Variants in FRZB observed in about 807,000 individuals in gnomAD.
FRZB encodes the protein frizzled related protein.
Under a neutral mutation model 32.5 loss-of-function variants are expected in FRZB, and 34 were observed. That is an observed-to-expected ratio of 1.05 (90% confidence interval 0.80 to 1.39). The LOEUF (loss-of-function observed/expected upper bound fraction) is 1.39. FRZB is among the 40% of genes most tolerant of loss of function. The pLI is 0.00. For synonymous variants in FRZB, 170 were observed against 159.2 expected, an observed-to-expected ratio of 1.07 and a Z score of -0.51; for missense variants, 423 against 424.8, an observed-to-expected ratio of 1.00 and a Z score of 0.04.
rs1022544593 is a variant in FRZB at position 182,834,187 on chromosome 2, T to C, written c.*662A>G. The C allele has an allele frequency of 6.6e-6, 1 of 152,270 alleles. No individual in the cohort carries two copies. The highest frequency in any genetic ancestry group is 1.5e-5 in the Non-Finnish European group (1 of 68,106). 9.4% of individuals were successfully genotyped at this position (152,270 alleles called of 1,614,324 possible). A position where few individuals can be genotyped will look rare whatever the true frequency, so the allele number is the denominator to read the frequency against. On this transcript the variant is annotated 3_prime_UTR_variant, in exon 6 of 6. Transcript: ENST00000295113. ...ACACCCCAGCGGCTACTGGTTTCAG[T>C]TGTGCTTCTCAATCAGGCAAAATGT...
At chr2:182,856,878 C>A (rs1001137442) in intron 2 of FRZB, among the ~76,000 whole-genome samples, 9 of 150,992 alleles carry the variant, frequency 6.0e-5, no homozygotes, top group Non-Finnish European at 1.3e-4. Flanking sequence ...ACCTAATCAC[C>A]CTTCTCTCGG....
Position 182,842,551 on chromosome 2 carries a change from A to C in FRZB, c.527-8T>G. On this transcript the variant is annotated splice_polypyrimidine_tract_variant and splice_region_variant and intron_variant, in intron 2 of 5. Coordinates refer to ENST00000295113, the MANE Select transcript of FRZB (RefSeq NM_001463.4). ...GCTTACATTTACAGCGTTCTGAAAA[A>C]CACATTTTAGTTATAAGCACATTTC... 4 of 1,606,756 alleles carry C rather than the reference A, an allele frequency of 2.5e-6. No homozygotes were observed. Among genetic ancestry groups the C allele is most frequent in the Non-Finnish European group, 3.4e-6 (4 of 1,174,050 alleles).
In FRZB at chr2:182,834,184, C is replaced by T. The variant is rs538027984; in HGVS notation, c.*665G>A. The T allele has an allele frequency of 2.6e-5, 4 of 152,370 alleles. No homozygotes were observed. In the East Asian group the frequency reaches 7.7e-4, roughly 29 times the overall value. The allele number at this position is 152,370 out of a possible 1,614,324, so 9.4% of individuals were successfully genotyped here. A position where few individuals can be genotyped will look rare whatever the true frequency, so the allele number is the denominator to read the frequency against. On this transcript the variant is annotated 3_prime_UTR_variant, in exon 6 of 6. Coordinates refer to ENST00000295113, the MANE Select transcript of FRZB (RefSeq NM_001463.4). ...TTAACACCCCAGCGGCTACTGGTTT[C>T]AGTTGTGCTTCTCAATCAGGCAAAA...
chr2:182,843,094 T>C (rs533016128), intron 2 of FRZB, among the ~76,000 whole-genome samples: 1 of 152,340 alleles, frequency 6.6e-6, no homozygotes, highest in East Asian at 1.9e-4. Flanking sequence ...GCCCCTTCTA[T>C]AGGTAAAATA....
At chr2:182,839,039 A>G (rs1248369022) in intron 3 of FRZB, among the ~76,000 whole-genome samples, 1 of 152,130 alleles carries the variant, frequency 6.6e-6, no homozygotes, top group African/African-American at 2.4e-5. Flanking sequence ...AAGACCTAAT[A>G]CTTAAATATG....
chr2:182,858,927 T>A, intron 1 of FRZB, 94 bp from the exon 2 acceptor site: 1 of 1,043,584 alleles, frequency 9.6e-7, no homozygotes, highest in Non-Finnish European at 1.5e-6. Flanking sequence ...TTGATTTGGG[T>A]AAGAATCCAA....
At chr2:182,862,190 G>A (rs903936782) in intron 1 of FRZB, among the ~76,000 whole-genome samples, 1 of 152,184 alleles carries the variant, frequency 6.6e-6, no homozygotes, top group Non-Finnish European at 1.5e-5. Context: ...AAGTTGGCAC[G>A]GCTCATGCCA....
intron 1 of FRZB, among the ~76,000 whole-genome samples, chr2:182,865,786 T>C: frequency 6.6e-6 from 1 of 152,188 alleles, no homozygotes; most frequent in South Asian, 2.1e-4. Flanking sequence ...AGGATTCCTG[T>C]GGAGTAGAAG....
chr2:182,859,887 A>G (rs999129603), intron 1 of FRZB, among the ~76,000 whole-genome samples: 1 of 152,228 alleles, frequency 6.6e-6, no homozygotes, highest in Non-Finnish European at 1.5e-5. Flanking sequence ...GGCATAAACT[A>G]TTAATTACTA....
rs556981449 is a variant in FRZB at position 182,866,192 on chromosome 2, G to C, written c.361C>G (p.Pro121Ala). ...GAGTGGCGGTACTTGATGAGTATGGGCTCACAGCCCTGCCGGGCCCGCTCG... is the reference window on the plus strand; with the variant it reads ...GAGTGGCGGTACTTGATGAGTATGGCCTCACAGCCCTGCCGGGCCCGCTCG... ...VCERARQGCE[P>A]ILIKYRHSWP... The change falls in exon 1 of 6, where the codon CCC (proline) becomes GCC (alanine). Residue 121 changes from proline to alanine, a missense_variant. Coordinates refer to ENST00000295113, the MANE Select transcript of FRZB (RefSeq NM_001463.4). This position sits in a 1 kb window ranked among gnomAD's most constrained non-coding sequence, Gnocchi z 4.5. 1 of 1,614,164 alleles carries C rather than the reference G, an allele frequency of 6.2e-7. No individual in the cohort carries two copies. The highest frequency in any genetic ancestry group is 2.2e-5 in the East Asian group (1 of 44,876).
In FRZB at chr2:182,866,306, C is replaced by T; in HGVS notation, c.247G>A (p.Asp83Asn). ...ATGGCACAGAGGAAGAAGAGCAGAT[C>T]GGGGCTGCAGTGGGTGCCCAGCAGA... ...EGLLGTHCSP[D>N]LLFFLCAMYA... Residue 83 changes from aspartate (D) to asparagine (N), a missense_variant, in exon 1 of 6, where the codon GAT becomes AAT. By Grantham distance (23) the Asp-to-Asn change is conservative. Coordinates refer to ENST00000295113, the MANE Select transcript of FRZB (RefSeq NM_001463.4). The surrounding 1 kb of genome is among the most constrained non-coding windows in gnomAD (Gnocchi z 4.5). 6.2e-7 allele frequency: 1 copy of T among 1,614,244 alleles called. No individual in the cohort carries two copies. The highest frequency in any genetic ancestry group is 1.1e-5 in the South Asian group (1 of 91,088).
At chr2:182,843,545 T>C (rs1170533167) in intron 2 of FRZB, among the ~76,000 whole-genome samples, 4 of 152,236 alleles carry the variant, frequency 2.6e-5, no homozygotes, top group Non-Finnish European at 4.4e-5. Context: ...TTAAATGGTA[T>C]GTGCTTCTCT....
intron 1 of FRZB, among the ~76,000 whole-genome samples, chr2:182,863,574 G>C (rs982332326): frequency 3.9e-5 from 6 of 152,184 alleles, no homozygotes; most frequent in Non-Finnish European, 1.5e-5. Flanking sequence ...CTTGGCATCA[G>C]AAGAATGTGA....
chr2:182,856,338 G>GAT (rs578208071), intron 2 of FRZB, among the ~76,000 whole-genome samples: 4 of 151,432 alleles, frequency 2.6e-5, no homozygotes, highest in South Asian at 4.2e-4. Context: ...ATCTCATGAG[G>GAT]ATATATATAT....
chr2:182,856,070 A>G (rs1314886545), intron 2 of FRZB, among the ~76,000 whole-genome samples: 1 of 152,088 alleles, frequency 6.6e-6, no homozygotes, highest in Non-Finnish European at 1.5e-5. Flanking sequence ...TGAAATGAGA[A>G]TATTTTCAGG....
intron 2 of FRZB, among the ~76,000 whole-genome samples, chr2:182,845,277 T>A (rs1559047977): frequency 6.6e-6 from 1 of 152,152 alleles, no homozygotes; most frequent in Non-Finnish European, 1.5e-5. Flanking sequence ...ACCTTTTTTG[T>A]GCCTGCTACC....
chr2:182,842,949 A>G (rs977302865), intron 2 of FRZB, among the ~76,000 whole-genome samples: 1 of 152,102 alleles, frequency 6.6e-6, no homozygotes, highest in Admixed American at 6.6e-5. Context: ...ACTATCACCT[A>G]ATGTTTTTTT....
intron 2 of FRZB, among the ~76,000 whole-genome samples, chr2:182,854,627 CG>C (rs1159718665): frequency 6.6e-6 from 1 of 152,188 alleles, no homozygotes; most frequent in Non-Finnish European, 1.5e-5. Flanking sequence ...GTAACAGCAA[CG>C]GCTGCAACAA....
chr2:182,858,060 A>G (rs1240834648), intron 2 of FRZB, among the ~76,000 whole-genome samples: 1 of 152,222 alleles, frequency 6.6e-6, no homozygotes, highest in Non-Finnish European at 1.5e-5. Context: ...TACTAGCACA[A>G]AATTGAACAG....
Sources: gnomAD v4.1 joint callset for allele counts (sites outside exome capture counted in the v4.1 genomes callset) on GRCh38, gnomAD v4.1.1 for gene constraint, Gnocchi (gnomAD v3.1) non-coding constraint, MANE v1.5 for transcripts, NCBI Gene and HGNC (gene_info 2026-07-23, HGNC 2026-07-21) for gene names.